The following NRXN3 variants were observed in gnomAD, a reference collection of about 807,000 sequenced individuals.
NRXN3 encodes the protein neurexin III.
Under a neutral mutation model 137.6 loss-of-function variants are expected in NRXN3, and 32 were observed. That is an observed-to-expected ratio of 0.23 (90% CI 0.18 to 0.31). The LOEUF is 0.31. Ranked by LOEUF, NRXN3 falls within the 10% of genes least tolerant of loss-of-function variation. NRXN3 has a pLI of 1.00. For synonymous variants in NRXN3, 798 were observed against 784.5 expected, an observed-to-expected ratio of 1.02 and a Z score of -0.29; for missense variants, 1,574 against 2,062.5, an observed-to-expected ratio of 0.76 and a Z score of 4.59.
intron 6 of NRXN3, among the ~76,000 whole-genome samples, chr14:78,673,987 T>C (rs541268783): frequency 6.6e-6 from 1 of 152,298 alleles, no homozygotes; most frequent in Admixed American, 6.5e-5. Context: ...CAAAAACCTA[T>C]GCCTATAGTG....
chr14:78,538,501 A>G (rs967755121), intron 4 of NRXN3, among the ~76,000 whole-genome samples: 4 of 152,222 alleles, frequency 2.6e-5, no homozygotes, highest in Non-Finnish European at 4.4e-5. Flanking sequence ...TATCAGCTTA[A>G]GGAGATTTTG....
intron 4 of NRXN3, among the ~76,000 whole-genome samples, chr14:78,550,552 T>A (rs2096678489): frequency 2.6e-5 from 4 of 151,848 alleles, no homozygotes; most frequent in African/African-American, 4.8e-5. Flanking sequence ...AAAAAAAAAA[T>A]TCATGCCAGA....
intron 19 of NRXN3, among the ~76,000 whole-genome samples, chr14:79,731,425 AC>A (rs1442619284): frequency 1.3e-5 from 2 of 152,290 alleles, no homozygotes; most frequent in African/African-American, 4.8e-5. Flanking sequence ...CATTCTATAA[AC>A]CACACATCCC....
intron 15 of NRXN3, among the ~76,000 whole-genome samples, chr14:79,256,694 C>G (rs1351575084): frequency 6.6e-6 from 1 of 152,208 alleles, no homozygotes; most frequent in East Asian, 1.9e-4. Context: ...ACAGCCTGTT[C>G]TGCCAGAAGC....
At chr14:79,558,422 A>C (rs2097453595) in intron 16 of NRXN3, among the ~76,000 whole-genome samples, 1 of 152,194 alleles carries the variant, frequency 6.6e-6, no homozygotes, top group Non-Finnish European at 1.5e-5. Flanking sequence ...TTGATCCATG[A>C]ACTGCAGAAT....
In NRXN3 at chr14:79,208,849, A is replaced by T. The variant is rs116453823; in HGVS notation, c.3262+220708A>T. Among the ~76,000 whole-genome samples the T allele has an allele frequency of 1.9e-3, 294 of 152,314 alleles. 1 individual carries two copies. Among genetic ancestry groups the T allele is most frequent in the African/African-American group, 6.6e-3 (276 of 41,564 alleles). On this transcript the variant is annotated intron_variant, in intron 15 of 20. Transcript: ENST00000335750. ...GTGTAAGAGTATACTTTAAGAAAAA[A>T]ATTCAGCACATTTTACCAGTTTTCC...
At chr14:79,194,148 T>A (rs1478289817) in intron 15 of NRXN3, among the ~76,000 whole-genome samples, 1 of 152,210 alleles carries the variant, frequency 6.6e-6, no homozygotes, top group East Asian at 1.9e-4. Context: ...TCTAGGATTC[T>A]TAGACAACTA....
intron 15 of NRXN3, among the ~76,000 whole-genome samples, chr14:79,210,824 T>C (rs546196575): frequency 1.4e-4 from 21 of 152,274 alleles, no homozygotes; most frequent in African/African-American, 4.6e-4. Flanking sequence ...CTGTAAAGTC[T>C]CTTCGTAGTA....
intron 15 of NRXN3, among the ~76,000 whole-genome samples, chr14:79,196,089 AG>A (rs1315751177): frequency 6.6e-6 from 1 of 152,188 alleles, no homozygotes; most frequent in Admixed American, 6.5e-5. Context: ...CACACTAGTC[AG>A]GGGTGAGATT....
intron 16 of NRXN3, among the ~76,000 whole-genome samples, chr14:79,495,417 TTCTTTCTAC>T (rs1380875616): frequency 1.3e-5 from 2 of 152,172 alleles, no homozygotes; most frequent in African/African-American, 2.4e-5. Flanking sequence ...GAACTCTTCT[TTCTTTCTAC>T]ATTTTTTTTT....
chr14:78,555,003 G>A (rs2096725513), intron 4 of NRXN3, among the ~76,000 whole-genome samples: 1 of 152,034 alleles, frequency 6.6e-6, no homozygotes, highest in African/African-American at 2.4e-5. Flanking sequence ...CCCATTGGGA[G>A]CTTATTCACT....
chr14:79,083,135 G>A (rs1276358167), intron 15 of NRXN3, among the ~76,000 whole-genome samples: 1 of 152,218 alleles, frequency 6.6e-6, no homozygotes, highest in Non-Finnish European at 1.5e-5. Flanking sequence ...TGTGTGAGAT[G>A]TTGTACTAAG....
chr14:79,617,930 A>AAAAAAAAAAAAAAAAAAAAAAAG (rs1385000688), intron 16 of NRXN3, among the ~76,000 whole-genome samples: 1 of 148,734 alleles, frequency 6.7e-6, no homozygotes, highest in African/African-American at 2.6e-5. Flanking sequence ...AAAAAAAAAA[A>AAAAAAAAAAAAAAAAAAAAAAAG]AACATGCTTA....
intron 15 of NRXN3, among the ~76,000 whole-genome samples, chr14:79,457,047 TAAAAA>T (rs879869277): frequency 7.5e-6 from 1 of 132,474 alleles, no homozygotes; most frequent in African/African-American, 2.8e-5. Flanking sequence ...GTTCCAGGTT[TAAAAA>T]AAAAAAAAAA....
At chr14:78,316,104 G>A (rs1338841758) in intron 4 of NRXN3, among the ~76,000 whole-genome samples, 1 of 152,046 alleles carries the variant, frequency 6.6e-6, no homozygotes, top group Non-Finnish European at 1.5e-5. Context: ...TATTTTATCT[G>A]CCTCTTTTTG....
At chr14:78,642,285 C>T (rs2097643197) in intron 4 of NRXN3, among the ~76,000 whole-genome samples, 1 of 152,166 alleles carries the variant, frequency 6.6e-6, no homozygotes, top group Non-Finnish European at 1.5e-5. Flanking sequence ...CAATTTCTTC[C>T]TTAATAAAAT....
At chr14:79,290,954 T>C (rs2083085588) in intron 15 of NRXN3, among the ~76,000 whole-genome samples, 1 of 152,196 alleles carries the variant, frequency 6.6e-6, no homozygotes, top group Non-Finnish European at 1.5e-5. Flanking sequence ...TTCTGATACA[T>C]TTAAAAGTTT....
intron 16 of NRXN3, among the ~76,000 whole-genome samples, chr14:79,555,486 C>G (rs2097420448): frequency 6.6e-6 from 1 of 152,058 alleles, no homozygotes; most frequent in Non-Finnish European, 1.5e-5. Context: ...GCCCTCAAGA[C>G]CTCAGAATGT....
intron 4 of NRXN3, among the ~76,000 whole-genome samples, chr14:78,452,014 G>T (rs189125269): frequency 2.0e-5 from 3 of 152,290 alleles, no homozygotes; most frequent in African/African-American, 4.8e-5. Context: ...TCTGGAGAAG[G>T]CATCTAGCCG....
Sources: allele counts gnomAD v4.1 joint callset (sites outside exome capture counted in the v4.1 genomes callset), GRCh38; gene constraint gnomAD v4.1.1; transcripts MANE v1.5; gene names NCBI Gene and HGNC (gene_info 2026-07-23, HGNC 2026-07-21).